Variants in SGCZ observed in about 807,000 individuals in gnomAD.
SGCZ encodes zeta-sarcoglycan.
SGCZ carries 40 observed loss-of-function variants against 41.3 expected under a neutral mutation model. The observed-to-expected ratio is 0.97, with a 90% CI of 0.75 to 1.26. The LOEUF (loss-of-function observed/expected upper bound fraction) is 1.26. Among genes scored for constraint, SGCZ ranks in the 50% most tolerant of loss-of-function variants. The pLI is 0.00. For synonymous variants in SGCZ, 206 were observed against 137.5 expected (o/e 1.50, Z -3.49); for missense variants, 552 against 369.8 (o/e 1.49, Z -4.04).
chr8:15,069,558 G>A (rs1187171228), intron 1 of SGCZ, among the ~76,000 whole-genome samples: 1 of 152,108 alleles, frequency 6.6e-6, no homozygotes, highest in East Asian at 1.9e-4. Flanking sequence ...TTTGGGAAGA[G>A]CAACCTCCAG....
chr8:15,146,143 A>G (rs1267301405), intron 1 of SGCZ, among the ~76,000 whole-genome samples: 3 of 69,680 alleles, frequency 4.3e-5, no homozygotes, highest in African/African-American at 9.0e-5. Context: ...GAAAACTAAG[A>G]AAAAAATTGA....
chr8:14,139,272 CAATT>C (rs776248256), intron 5 of SGCZ, among the ~76,000 whole-genome samples: 3 of 152,038 alleles, frequency 2.0e-5, no homozygotes, highest in Non-Finnish European at 2.9e-5. Context: ...CCTAACGTCA[CAATT>C]AAAAGAACTA....
intron 1 of SGCZ, among the ~76,000 whole-genome samples, chr8:15,211,523 CA>C (rs1433022770): frequency 1.3e-5 from 2 of 152,122 alleles, no homozygotes; most frequent in Non-Finnish European, 2.9e-5. Flanking sequence ...ATGCAACAGT[CA>C]AAAGAGAAGG....
rs17119648 is a variant in SGCZ at position 14,526,729 on chromosome 8, C to T, written c.234+28003G>A. Among the ~76,000 whole-genome samples the T allele has an allele frequency of 2.2e-3, 339 of 152,090 alleles. 1 individual carries two copies. The highest frequency in any genetic ancestry group is 3.5e-3 in the Non-Finnish European group (237 of 67,980). ...TGTTCTGAGAGTGTGAAATGCATAT[C>T]ACATCAACTCCTAGTGTGCGTACTT... On this transcript the variant is annotated intron_variant, in intron 2 of 7. Transcript: ENST00000382080.
chr8:14,421,182 A>C (rs80287092), intron 2 of SGCZ, among the ~76,000 whole-genome samples: 1 of 152,214 alleles, frequency 6.6e-6, no homozygotes, highest in East Asian at 1.9e-4. Context: ...ATTCTTGTAC[A>C]TGGAATTGTA....
chr8:14,345,612 C>A (rs10503493), intron 2 of SGCZ, among the ~76,000 whole-genome samples: 17,668 of 152,052 alleles, frequency 0.12, 1,353 homozygotes, highest in East Asian at 0.27. Flanking sequence ...AAGCCTAAGT[C>A]TAGTGCTATT....
At chr8:15,203,480 T>A (rs1299316715) in intron 1 of SGCZ, among the ~76,000 whole-genome samples, 1 of 152,120 alleles carries the variant, frequency 6.6e-6, no homozygotes, top group Non-Finnish European at 1.5e-5. Flanking sequence ...GCAAACAAGA[T>A]CTTGATCTTG....
At chr8:14,155,458 G>T (rs1803848640) in intron 5 of SGCZ, among the ~76,000 whole-genome samples, 1 of 151,832 alleles carries the variant, frequency 6.6e-6, no homozygotes, top group African/African-American at 2.4e-5. Flanking sequence ...TTAAAAATGT[G>T]CTTGGAATAT....
intron 1 of SGCZ, among the ~76,000 whole-genome samples, chr8:14,911,302 G>A (rs946691566): frequency 1.1e-4 from 17 of 151,962 alleles, no homozygotes; most frequent in African/African-American, 2.9e-4. Context: ...CAAAATCAGC[G>A]GATTCTGACT....
Position 14,645,118 on chromosome 8 carries a change from T to C in SGCZ, c.40-90192A>G, listed in dbSNP as rs571326383. The stretch of plus-strand genomic sequence containing the variant: ...GGCATAAAAGTTTGAAAACCATTGA[T>C]CTATCATTTAGTTCCTAAAAATGTA... On this transcript the variant is annotated intron_variant, in intron 1 of 7. Transcript: ENST00000382080. Among the ~76,000 whole-genome samples, 72 of 151,754 alleles carry C rather than the reference T, an allele frequency of 4.7e-4. No individual in the cohort carries two copies. In the East Asian group the frequency reaches 0.012, roughly 26 times the overall value.
chr8:15,043,520 A>G (rs1182471075), intron 1 of SGCZ, among the ~76,000 whole-genome samples: 1 of 152,154 alleles, frequency 6.6e-6, no homozygotes, highest in Non-Finnish European at 1.5e-5. Context: ...GAGTTAAATT[A>G]GATAGTGCAT....
chr8:14,356,052 G>A (rs1323578756), intron 2 of SGCZ, among the ~76,000 whole-genome samples: 2 of 152,150 alleles, frequency 1.3e-5, no homozygotes, highest in African/African-American at 4.8e-5. Context: ...CTCTCATAAT[G>A]CTTGGGCAGG....
chr8:14,885,904 C>A (rs773055423), intron 1 of SGCZ, among the ~76,000 whole-genome samples: 2 of 148,462 alleles, frequency 1.3e-5, no homozygotes, highest in East Asian at 4.0e-4. Context: ...ATAAAATTCA[C>A]CCTTAATACC....
chr8:15,222,197 T>C (rs1215968509), intron 1 of SGCZ, among the ~76,000 whole-genome samples: 1 of 152,188 alleles, frequency 6.6e-6, no homozygotes, highest in Non-Finnish European at 1.5e-5. Flanking sequence ...AAATAAAAAG[T>C]ATTTGCCTTA....
intron 4 of SGCZ, among the ~76,000 whole-genome samples, chr8:14,197,619 A>G (rs1000374648): frequency 2.0e-5 from 3 of 152,126 alleles, no homozygotes; most frequent in African/African-American, 7.2e-5. Context: ...TACATTTATT[A>G]TAAAATCTTC....
intron 1 of SGCZ, among the ~76,000 whole-genome samples, chr8:14,692,568 C>T (rs749805084): frequency 3.1e-4 from 47 of 152,146 alleles, no homozygotes; most frequent in Non-Finnish European, 5.4e-4. Context: ...ATATTTTCCT[C>T]TGATCCTAGG....
At chr8:14,866,875 G>C (rs910390968) in intron 1 of SGCZ, among the ~76,000 whole-genome samples, 1 of 152,154 alleles carries the variant, frequency 6.6e-6, no homozygotes, top group African/African-American at 2.4e-5. Context: ...TTATCTGCTT[G>C]CAGTGGGATA....
At chr8:14,364,835 T>A (rs1043941848) in intron 2 of SGCZ, among the ~76,000 whole-genome samples, 3 of 152,148 alleles carry the variant, frequency 2.0e-5, no homozygotes, top group Non-Finnish European at 4.4e-5. Flanking sequence ...GTGTTCTTCA[T>A]TGAAGAATAA....
At chr8:14,901,825 G>C (rs192744705) in intron 1 of SGCZ, among the ~76,000 whole-genome samples, 1 of 151,998 alleles carries the variant, frequency 6.6e-6, no homozygotes, top group Non-Finnish European at 1.5e-5. Flanking sequence ...GAAATGTCAC[G>C]CTAATGTAAA....
Sources: gnomAD v4.1 joint callset for allele counts (sites outside exome capture counted in the v4.1 genomes callset) on GRCh38, gnomAD v4.1.1 for gene constraint, MANE v1.5 for transcripts, NCBI Gene and HGNC (gene_info 2026-07-23, HGNC 2026-07-21) for gene names.